The following CNTNAP2 variants were observed in gnomAD, a reference collection of about 807,000 sequenced individuals.
The protein encoded by CNTNAP2 is contactin-associated protein-like 2.
A neutral mutation model predicts 155.2 loss-of-function variants in CNTNAP2; 98 were observed. That is an observed-to-expected ratio of 0.63 (90% confidence interval 0.54 to 0.75). The LOEUF (loss-of-function observed/expected upper bound fraction) is 0.75, where lower values mean the gene tolerates loss of function less well. Ranked by LOEUF, CNTNAP2 falls within the 30% of genes least tolerant of loss-of-function variation. The pLI, the probability that CNTNAP2 is intolerant of heterozygous loss-of-function variation, is 0.00. For missense variants in CNTNAP2, 1,727 were observed against 1,688.1 expected, an observed-to-expected ratio of 1.02 and a Z score of -0.40; for synonymous variants, 651 against 631.2, an observed-to-expected ratio of 1.03 and a Z score of -0.47.
chr7:148,106,276 C>A (rs188566311), intron 15 of CNTNAP2, among the ~76,000 whole-genome samples: 2 of 152,062 alleles, frequency 1.3e-5, no homozygotes, highest in Non-Finnish European at 2.9e-5. Context: ...TACTGGACAG[C>A]TTTACCTTGA....
intron 8 of CNTNAP2, among the ~76,000 whole-genome samples, chr7:147,189,881 A>T (rs1346673887): frequency 6.6e-6 from 1 of 151,972 alleles, no homozygotes; most frequent in Non-Finnish European, 1.5e-5. Flanking sequence ...AGTAGCTGGG[A>T]CTACAGGTGC....
rs35241151 is a variant in CNTNAP2, at chr7:146,664,157, CTTTTTTTT to C, written c.98-110097_98-110090del. The stretch of plus-strand genomic sequence containing the variant: ...CTTAGTTTGTTGTTACAATAAATTC[CTTTTTTTT>C]TTTTTTTTTTTTTTTTGGCACAGTC... On this transcript the variant is annotated intron_variant, in intron 1 of 23. Transcript: ENST00000361727. Among the ~76,000 whole-genome samples, 13 of 68,456 alleles carry C rather than the reference CTTTTTTTT, an allele frequency of 1.9e-4. 1 individual carries two copies. The highest frequency in any genetic ancestry group is 6.6e-4 in the African/African-American group (11 of 16,750). 44.9% of individuals were successfully genotyped at this position (68,456 alleles called of 152,430 possible).
At chr7:146,549,720 C>T (rs1798086412) in intron 1 of CNTNAP2, among the ~76,000 whole-genome samples, 3 of 151,962 alleles carry the variant, frequency 2.0e-5, no homozygotes. Context: ...TCAATTTATC[C>T]TGTTAATCTA....
At chr7:146,805,234 A>C (rs1302759737) in intron 2 of CNTNAP2, among the ~76,000 whole-genome samples, 2 of 152,180 alleles carry the variant, frequency 1.3e-5, no homozygotes, top group Non-Finnish European at 2.9e-5. Flanking sequence ...TAGCATACTG[A>C]CAGTGCTTAC....
intron 9 of CNTNAP2, among the ~76,000 whole-genome samples, chr7:147,353,662 A>C (rs927122868): frequency 1.3e-5 from 2 of 152,196 alleles, no homozygotes; most frequent in Non-Finnish European, 2.9e-5. Flanking sequence ...GTATATACCC[A>C]GTCATGGGAT....
intron 15 of CNTNAP2, among the ~76,000 whole-genome samples, chr7:148,032,156 G>T (rs111370696): frequency 0.041 from 6,237 of 152,234 alleles, 413 homozygotes; most frequent in African/African-American, 0.14. Context: ...AATCCGCCTG[G>T]AAGAGATGTT....
In CNTNAP2 at chr7:146,581,251, T is replaced by A. The variant is rs10487929; in HGVS notation, c.98-193020T>A. ...TAAAATGTATGTTTCCAGAAAGATT[T>A]AGCATTTTCCTACAGGTTATTATAT... On this transcript the variant is annotated intron_variant, in intron 1 of 23. Coordinates refer to ENST00000361727, the MANE Select transcript of CNTNAP2 (RefSeq NM_014141.6). Among the ~76,000 whole-genome samples, 1,198 of 152,214 alleles carry A rather than the reference T, an allele frequency of 7.9e-3. 10 individuals are homozygous for A. Among genetic ancestry groups the A allele is most frequent in the East Asian group, 0.037 (190 of 5,168 alleles).
intron 9 of CNTNAP2, among the ~76,000 whole-genome samples, chr7:147,321,295 G>A: frequency 6.6e-6 from 1 of 152,142 alleles, no homozygotes; most frequent in Admixed American, 6.6e-5. Flanking sequence ...GTGCCCCAGT[G>A]TCTGGTAGAT....
rs374995634 is a variant in CNTNAP2, at chr7:147,312,710, T to C, written c.1498+12420T>C. 1.5e-4 allele frequency among the ~76,000 whole-genome samples: 15 copies of C among 98,478 alleles called. 2 individuals carry two copies. The highest frequency in any genetic ancestry group is 7.3e-4 in the South Asian group (2 of 2,730). The allele number at this position is 98,478 out of a possible 152,430, so 64.6% of individuals were successfully genotyped here. ...AAGTCTTTGCTATTGTGAATAGTGC[T>C]GCAATAAACATACGTGTATTTGTGT... is the stretch of plus-strand genomic sequence containing the variant. On this transcript the variant is annotated intron_variant, in intron 9 of 23. Transcript: ENST00000361727.
chr7:147,452,051 C>T (rs190104189), intron 10 of CNTNAP2, among the ~76,000 whole-genome samples: 14 of 152,204 alleles, frequency 9.2e-5, no homozygotes, highest in Admixed American at 2.6e-4. Flanking sequence ...CAAATTACCC[C>T]GAATCAGGTA....
intron 11 of CNTNAP2, among the ~76,000 whole-genome samples, chr7:147,556,597 C>A (rs529649005): frequency 5.3e-5 from 8 of 152,234 alleles, no homozygotes; most frequent in Non-Finnish European, 8.8e-5. Context: ...CCACCTAATT[C>A]CTAGCTTTGA....
At chr7:147,592,357 A>C (rs1347902542) in intron 12 of CNTNAP2, among the ~76,000 whole-genome samples, 9 of 152,144 alleles carry the variant, frequency 5.9e-5, no homozygotes, top group Non-Finnish European at 1.3e-4. Flanking sequence ...GGTGAACTAT[A>C]ATTGGATTAC....
At chr7:147,652,445 C>T (rs1795463006) in intron 13 of CNTNAP2, among the ~76,000 whole-genome samples, 1 of 152,110 alleles carries the variant, frequency 6.6e-6, no homozygotes, top group Admixed American at 6.5e-5. Flanking sequence ...CAAATTAGAT[C>T]ATGATATAAA....
chr7:146,387,918 T>C (rs1795484092), intron 1 of CNTNAP2, among the ~76,000 whole-genome samples: 1 of 152,202 alleles, frequency 6.6e-6, no homozygotes, highest in African/African-American at 2.4e-5. Flanking sequence ...TTCAGGATGC[T>C]AAAGGTATTT....
In CNTNAP2 at chr7:148,124,669, T is replaced by C. The variant is rs534366305; in HGVS notation, c.2554+6381T>C. 8.5e-5 allele frequency among the ~76,000 whole-genome samples: 13 copies of C among 152,352 alleles called. No homozygotes were observed. In the South Asian group the frequency reaches 2.3e-3, roughly 27 times the overall value. ...GTGCCAGGCCCTGTTCTAAAGCTTT[T>C]GTAGGTTATTAACTTTTGTAGTTTA... On this transcript the variant is annotated intron_variant, in intron 16 of 23. Coordinates refer to ENST00000361727, the MANE Select transcript of CNTNAP2 (RefSeq NM_014141.6).
chr7:147,332,690 C>T (rs953114542), intron 9 of CNTNAP2, among the ~76,000 whole-genome samples: 4 of 152,056 alleles, frequency 2.6e-5, no homozygotes, highest in African/African-American at 4.8e-5. Flanking sequence ...GGTGAAACCC[C>T]GTCTCTACTA....
At chr7:147,039,576 T>TCA (rs1166147918) in intron 3 of CNTNAP2, among the ~76,000 whole-genome samples, 1 of 152,208 alleles carries the variant, frequency 6.6e-6, no homozygotes, top group Non-Finnish European at 1.5e-5. Flanking sequence ...CACATTTTCT[T>TCA]CATCCAATCT....
At chr7:146,961,158 T>A (rs766169987) in intron 3 of CNTNAP2, among the ~76,000 whole-genome samples, 1 of 152,224 alleles carries the variant, frequency 6.6e-6, no homozygotes, top group Non-Finnish European at 1.5e-5. Context: ...TGACATAAAG[T>A]GACCCGTGAA....
chr7:147,171,157 C>G (rs1802218669), intron 8 of CNTNAP2, among the ~76,000 whole-genome samples: 1 of 152,128 alleles, frequency 6.6e-6, no homozygotes, highest in African/African-American at 2.4e-5. Flanking sequence ...GTGGGCTGTC[C>G]CCCAGGCTCT....
Sources: allele counts gnomAD v4.1 joint callset (sites outside exome capture counted in the v4.1 genomes callset), GRCh38; gene constraint gnomAD v4.1.1; transcripts MANE v1.5; gene names NCBI Gene and HGNC (gene_info 2026-07-23, HGNC 2026-07-21).